Variants in ZNF559 observed in about 807,000 individuals in gnomAD.
The protein encoded by ZNF559 is zinc finger protein 559.
Under a neutral mutation model 14.2 loss-of-function variants are expected in ZNF559, and 17 were observed. The observed-to-expected ratio is 1.20, with a 90% CI of 0.82 to 1.80. The LOEUF (loss-of-function observed/expected upper bound fraction) is 1.80, where lower values mean the gene tolerates loss of function less well. Among genes scored for constraint, ZNF559 ranks in the 40% most tolerant of loss-of-function variants. ZNF559 has a pLI of 0.00. For synonymous variants in ZNF559, 244 were observed against 212.4 expected, an observed-to-expected ratio of 1.15 and a Z score of -1.29; for missense variants, 740 against 629.7, an observed-to-expected ratio of 1.18 and a Z score of -1.88.
In ZNF559 at chr19:9,338,524, A is replaced by T; in HGVS notation, c.-26A>T. 6.2e-7 allele frequency: 1 copy of T among 1,613,950 alleles called. No individual in the cohort carries two copies. Among genetic ancestry groups the T allele is most frequent in the Non-Finnish European group, 8.5e-7 (1 of 1,179,886 alleles). ...CTTTCTCAAGATGTTTTCTGTCTTC[A>T]TGAGTCAAAATTTGAAGAGGAAAGG... On this transcript the variant is annotated 5_prime_UTR_variant, in exon 4 of 7. The change abolishes an upstream ATG in the 5' untranslated region. Coordinates refer to ENST00000603380, the MANE Select transcript of ZNF559 (RefSeq NM_032497.3).
At chr19:9,332,068 G>A (rs943804202) in intron 2 of ZNF559, among the ~76,000 whole-genome samples, 10 of 152,064 alleles carry the variant, frequency 6.6e-5, no homozygotes, top group Admixed American at 5.2e-4. Context: ...AAAAGCAGTC[G>A]TTTTTGTTAC....
At chr19:9,332,303 ACT>A (rs1364955405) in intron 2 of ZNF559, among the ~76,000 whole-genome samples, 26 of 151,870 alleles carry the variant, frequency 1.7e-4, no homozygotes, top group African/African-American at 6.3e-4. Flanking sequence ...ATATGTTCTA[ACT>A]TGATGTATTA....
At chr19:9,334,330 A>G (rs1171672589) in intron 2 of ZNF559, among the ~76,000 whole-genome samples, 1 of 152,220 alleles carries the variant, frequency 6.6e-6, no homozygotes, top group Non-Finnish European at 1.5e-5. Context: ...TTTGAGTGTC[A>G]TATCTGTGCT....
rs753648274 is a variant in ZNF559, at chr19:9,339,276, CAG to C, written c.121_122del (p.Asp41CysfsTer7). On this transcript the variant is annotated frameshift_variant, in exon 5 of 7. Transcript: ENST00000603380. LOFTEE classifies it high-confidence loss of function. The stretch of plus-strand genomic sequence containing the variant: ...TGGATCAAACTCAGAGAAACTTATA[CAG>C]AGATGTGATGCTGGAGAACTATAAG... ...LLDQTQRNLY[R>X]DVMLENYKNL... 1 of 1,613,830 alleles carries C rather than the reference CAG, an allele frequency of 6.2e-7. No homozygotes were observed. Among genetic ancestry groups the C allele is most frequent in the East Asian group, 2.2e-5 (1 of 44,856 alleles).
In ZNF559 at chr19:9,345,867, G is replaced by A. The variant is rs895882027; in HGVS notation, c.*2799G>A. The A allele has an allele frequency of 2.1e-4, 32 of 151,544 alleles. No homozygotes were observed. The highest frequency in any genetic ancestry group is 7.7e-4 in the African/African-American group (32 of 41,394). 9.4% of individuals were successfully genotyped at this position (151,544 alleles called of 1,614,324 possible). A position where few individuals can be genotyped will look rare whatever the true frequency, so the allele number is the denominator to read the frequency against. ...TAATAAAACATTTCATTTTAACAGA[G>A]GTAACATAAATACACTTCCCAATTT... is the stretch of plus-strand genomic sequence containing the variant. On this transcript the variant is annotated 3_prime_UTR_variant, in exon 7 of 7. Transcript: ENST00000603380.
Position 9,344,939 on chromosome 19 carries a change from A to G in ZNF559, c.*1871A>G. On this transcript the variant is annotated 3_prime_UTR_variant, in exon 7 of 7. Coordinates refer to ENST00000603380, the MANE Select transcript of ZNF559 (RefSeq NM_032497.3). ...CACATACACATATGTGTACATACAC[A>G]CCATCAAGATAATGAACATACCTAT... 6.6e-6 allele frequency: 1 copy of G among 152,212 alleles called. No homozygotes were observed. Among genetic ancestry groups the G allele is most frequent in the East Asian group, 1.9e-4 (1 of 5,194 alleles). 9.4% of individuals were successfully genotyped at this position (152,212 alleles called of 1,614,324 possible). A position where few individuals can be genotyped will look rare whatever the true frequency, so the allele number is the denominator to read the frequency against.
At chr19:9,338,327 A>G (rs762896865) in intron 3 of ZNF559, among the ~76,000 whole-genome samples, 167 bp from the exon 4 acceptor site, 4 of 152,190 alleles carry the variant, frequency 2.6e-5, no homozygotes, top group African/African-American at 4.8e-5. Context: ...TCTCCTGGTC[A>G]TCAAAGCCTG....
intron 2 of ZNF559, 23 bp downstream of exon 2, chr19:9,324,803 C>G (rs2066487141): frequency 6.5e-7 from 1 of 1,531,540 alleles, no homozygotes; most frequent in Non-Finnish European, 8.7e-7. Flanking sequence ...TGCACTTGTT[C>G]TGGCTGTGGG....
Position 9,342,635 on chromosome 19 carries a change from C to A in ZNF559, c.1184C>A (p.Ser395Tyr). ...GGAAAAGCCTTTATTAATTCCTCTT[C>A]CTTTAAAAGTCACATGCAGACTCAT... is the stretch of plus-strand genomic sequence containing the variant. ...ECGKAFINSS[S>Y]FKSHMQTHPG... is the part of the protein sequence containing the mutation. Residue 395 changes from serine to tyrosine, a missense_variant, in exon 7 of 7, where the codon TCC becomes TAC. Physicochemically the swap from Ser to Tyr is moderately radical, Grantham distance 144 (BLOSUM62 -2). Coordinates refer to ENST00000603380, the MANE Select transcript of ZNF559 (RefSeq NM_032497.3). 6.2e-7 allele frequency: 1 copy of A among 1,613,910 alleles called. No homozygotes were observed. Among genetic ancestry groups the A allele is most frequent in the Non-Finnish European group, 8.5e-7 (1 of 1,179,960 alleles).
intron 1 of ZNF559, 80 bp downstream of exon 1, chr19:9,324,308 C>T: frequency 1.3e-6 from 2 of 1,535,442 alleles, no homozygotes; most frequent in Admixed American, 2.0e-5. Context: ...AGGGGAGGTG[C>T]CCAGTGAAAT....
chr19:9,328,222 G>A (rs2066735475), intron 2 of ZNF559, among the ~76,000 whole-genome samples: 1 of 151,462 alleles, frequency 6.6e-6, no homozygotes, highest in African/African-American at 2.4e-5. Context: ...ACTTTATTTA[G>A]TATTGAGTTT....
chr19:9,323,788 G>A (rs10425200), upstream of ZNF559: 2,429 of 203,226 alleles, frequency 0.012, 59 homozygotes, highest in African/African-American at 0.053. Context: ...CAGGAGGTGA[G>A]CATGAAGTGG....
upstream of ZNF559, chr19:9,323,997 C>T (rs933663235): frequency 1.6e-5 from 10 of 642,900 alleles, no homozygotes; most frequent in African/African-American, 1.1e-4. Flanking sequence ...CGCCAGTAAC[C>T]TGGACAGCTT....
intron 2 of ZNF559, among the ~76,000 whole-genome samples, chr19:9,330,860 T>G (rs1486648270): frequency 6.6e-6 from 1 of 152,230 alleles, no homozygotes; most frequent in African/African-American, 2.4e-5. Context: ...TTCTTGATTC[T>G]TCATGCTATT....
At position 9,338,062 on chromosome 19, in the gene ZNF559, CTGTGAACAGCT is replaced by C. The variant is rs1455450457; in HGVS notation, c.-57+208_-57+218del. The C allele has an allele frequency of 1.1e-5, 17 of 1,490,550 alleles. No homozygotes were observed. In the East Asian group the frequency reaches 4.2e-4, roughly 37 times the overall value. The allele number at this position is 1,490,550 out of a possible 1,614,324, so 92.3% of individuals were successfully genotyped here. On this transcript the variant is annotated intron_variant, in intron 3 of 6. Coordinates refer to ENST00000603380, the MANE Select transcript of ZNF559 (RefSeq NM_032497.3). ...CCTTCAAGACGCTGCTTTAACCAGT[CTGTGAACAGCT>C]TGTCTTGTGATTAGGGTTTAGGGTC...
chr19:9,324,582 C>T (rs1489857523), intron 1 of ZNF559, 113 bp from the exon 2 acceptor site: 4 of 1,156,094 alleles, frequency 3.5e-6, no homozygotes, highest in African/African-American at 3.3e-5. Context: ...TTACTTGAGG[C>T]CAGGAGTTCA....
In ZNF559 at chr19:9,329,951, C is replaced by T. The variant is rs1055016244; in HGVS notation, c.-120+5171C>T. On this transcript the variant is annotated intron_variant, in intron 2 of 6. Transcript: ENST00000603380. ...TGCTGGGATTACAGGTGTGAGCCAC[C>T]GTGCCCCACCTGTTTGTTTTAACCA... 7.9e-5 allele frequency among the ~76,000 whole-genome samples: 12 copies of T among 152,242 alleles called. 1 individual carries two copies. In the South Asian group the frequency reaches 1.0e-3, roughly 13 times the overall value.
In ZNF559 at chr19:9,342,258, A is replaced by G; in HGVS notation, c.807A>G (p.Ile269Met). 6.3e-7 allele frequency: 1 copy of G among 1,584,414 alleles called. No individual in the cohort carries two copies. ...GAACTCATAGTAGAGTGTTACCTAT[A>G]GAACATAAGAAATTTGGCAAAGCCT... Reference protein sequence around the residue: ...HLRTHSRVLPIEHKKFGKAFA... With the variant: ...HLRTHSRVLPMEHKKFGKAFA... The change falls in exon 7 of 7, where the codon ATA becomes ATG. Residue 269 changes from isoleucine to methionine, a missense_variant. Physicochemically the swap from Ile to Met is conservative, Grantham distance 10. Transcript: ENST00000603380.
chr19:9,324,852 G>A, intron 2 of ZNF559, 72 bp downstream of exon 2: 1 of 1,339,496 alleles, frequency 7.5e-7, no homozygotes, highest in Non-Finnish European at 1.0e-6. Flanking sequence ...GAGGTGGAAA[G>A]AAACCTTTTC....
Sources: allele counts gnomAD v4.1 joint callset (sites outside exome capture counted in the v4.1 genomes callset), GRCh38; gene constraint gnomAD v4.1.1; transcripts MANE v1.5; gene names NCBI Gene and HGNC (gene_info 2026-07-23, HGNC 2026-07-21).